ARHGAP32: variants seen among roughly 807,000 people sequenced by gnomAD.
ARHGAP32 encodes rho GTPase-activating protein 32.
ARHGAP32 carries 51 observed loss-of-function variants against 186.5 expected under a neutral mutation model. The ratio of observed to expected loss-of-function variants is 0.27; its 90% confidence interval spans 0.22 to 0.35. The LOEUF (loss-of-function observed/expected upper bound fraction) is 0.35, where lower values mean the gene tolerates loss of function less well. Among genes scored for constraint, ARHGAP32 ranks in the 10% least tolerant of loss-of-function variants. The pLI, the probability that ARHGAP32 is intolerant of heterozygous loss-of-function variation, is 1.00. For missense variants in ARHGAP32, 2,186 were observed against 2,623.5 expected (o/e 0.83, Z 3.64); for synonymous variants, 950 against 964.3 (o/e 0.99, Z 0.27).
chr11:129,023,019 A>T (rs1293874816), intron 11 of ARHGAP32, among the ~76,000 whole-genome samples: 2 of 152,176 alleles, frequency 1.3e-5, no homozygotes, highest in African/African-American at 4.8e-5. Flanking sequence ...TTATGGTTTT[A>T]AAAATTAAAA....
intron 1 of ARHGAP32, among the ~76,000 whole-genome samples, chr11:129,182,415 G>A (rs1355071885): frequency 6.6e-6 from 1 of 151,880 alleles, no homozygotes; most frequent in South Asian, 2.1e-4. Flanking sequence ...ATGAGTTTCA[G>A]GTATTTTTCC....
At chr11:129,234,655 T>G (rs1207007457) in intron 1 of ARHGAP32, among the ~76,000 whole-genome samples, 1 of 152,004 alleles carries the variant, frequency 6.6e-6, no homozygotes, top group Non-Finnish European at 1.5e-5. Flanking sequence ...AAAAAGAAAA[T>G]CATTTACTTA....
chr11:129,155,700 C>CAAA lies in ARHGAP32; in HGVS notation c.225+8616_225+8618dup, dbSNP rs61612151. 4.9e-4 allele frequency among the ~76,000 whole-genome samples: 70 copies of CAAA among 143,314 alleles called. 1 individual carries two copies. The highest frequency in any genetic ancestry group is 1.0e-3 in the African/African-American group (40 of 39,074). 94.0% of individuals were successfully genotyped at this position (143,314 alleles called of 152,430 possible). A position where few individuals can be genotyped will look rare whatever the true frequency, so the allele number is the denominator to read the frequency against. On this transcript the variant is annotated intron_variant, in intron 2 of 22. Transcript: ENST00000682385. ...GATTGCAGCAGTAAAAGAAATGTGT[C>CAAA]AAAAAAAAAAACAAATTGGTTTAAA...
At chr11:129,058,186 T>TACACAC (rs1402137812) in intron 10 of ARHGAP32, among the ~76,000 whole-genome samples, 7 of 96,518 alleles carry the variant, frequency 7.3e-5, no homozygotes, top group African/African-American at 3.3e-4. Context: ...GAAAAAAAAA[T>TACACAC]ATACACACAC....
chr11:129,118,849 G>A (rs1421869010), intron 5 of ARHGAP32, among the ~76,000 whole-genome samples: 1 of 151,940 alleles, frequency 6.6e-6, no homozygotes, highest in African/African-American at 2.4e-5. Flanking sequence ...AAACACAGAT[G>A]CAGAAATTAT....
At chr11:129,133,715 T>C (rs927161215) in intron 2 of ARHGAP32, among the ~76,000 whole-genome samples, 1 of 152,088 alleles carries the variant, frequency 6.6e-6, no homozygotes, top group Non-Finnish European at 1.5e-5. Context: ...AAGAGAAAAC[T>C]AAGAGAATTT....
At chr11:129,062,457 C>CCTG in intron 9 of ARHGAP32, 100 bp from the exon 10 acceptor site, 1 of 917,976 alleles carries the variant, frequency 1.1e-6, no homozygotes, top group Admixed American at 2.3e-5. Context: ...AGGTAAAGTA[C>CCTG]TATTCATGCT....
chr11:129,259,974 C>T (rs1945301349), intron 1 of ARHGAP32, among the ~76,000 whole-genome samples: 1 of 152,078 alleles, frequency 6.6e-6, no homozygotes, highest in Non-Finnish European at 1.5e-5. Flanking sequence ...CAGCTTTTCC[C>T]ATTCTCAAAC....
At chr11:129,030,334 C>T (rs1368238931) in intron 11 of ARHGAP32, 2 of 152,004 alleles carry the variant, frequency 1.3e-5, no homozygotes, top group Non-Finnish European at 2.9e-5. Flanking sequence ...AGAAACAATC[C>T]AGGAGCAAGC....
chr11:129,274,294 T>C (rs1172234957), intron 1 of ARHGAP32, among the ~76,000 whole-genome samples: 1 of 152,222 alleles, frequency 6.6e-6, no homozygotes, highest in African/African-American at 2.4e-5. Flanking sequence ...GTTTGGTTTG[T>C]TTTTTAACCT....
At chr11:129,036,695 T>C (rs1281264670) in intron 11 of ARHGAP32, among the ~76,000 whole-genome samples, 2 of 152,174 alleles carry the variant, frequency 1.3e-5, no homozygotes, top group African/African-American at 4.8e-5. Context: ...TTTTAAACAC[T>C]TGACACACAA....
chr11:129,124,493 A>T (rs1023432661), intron 3 of ARHGAP32, among the ~76,000 whole-genome samples: 3 of 152,166 alleles, frequency 2.0e-5, no homozygotes, highest in Non-Finnish European at 4.4e-5. Context: ...AATAAAGCTG[A>T]TATTTCTGAA....
At chr11:129,206,299 C>A (rs1005887240) in intron 1 of ARHGAP32, among the ~76,000 whole-genome samples, 6 of 152,060 alleles carry the variant, frequency 3.9e-5, no homozygotes, top group African/African-American at 1.5e-4. Flanking sequence ...GCAGCATCAA[C>A]CTCGTGGGCT....
At chr11:129,057,584 A>G (rs1591574675) in intron 10 of ARHGAP32, among the ~76,000 whole-genome samples, 1 of 151,280 alleles carries the variant, frequency 6.6e-6, no homozygotes. Context: ...TGGTTCCAGA[A>G]CCCCCTCATA....
At chr11:129,219,818 A>C (rs1204529100) in intron 1 of ARHGAP32, among the ~76,000 whole-genome samples, 1 of 152,088 alleles carries the variant, frequency 6.6e-6, no homozygotes, top group African/African-American at 2.4e-5. Flanking sequence ...AAACAAAAAT[A>C]ACATCTGGAG....
chr11:129,113,810 G>A (rs1045722722), intron 5 of ARHGAP32, among the ~76,000 whole-genome samples: 4 of 151,924 alleles, frequency 2.6e-5, no homozygotes, highest in Non-Finnish European at 4.4e-5. Context: ...AACTGAATTC[G>A]TCATCTTTCC....
chr11:129,171,981 T>C (rs1943772871), intron 1 of ARHGAP32, among the ~76,000 whole-genome samples: 1 of 152,156 alleles, frequency 6.6e-6, no homozygotes, highest in Non-Finnish European at 1.5e-5. Context: ...TGCCTATTGT[T>C]GACAAAAAGG....
chr11:129,083,253 T>G (rs1466355769), intron 6 of ARHGAP32, among the ~76,000 whole-genome samples: 3 of 152,092 alleles, frequency 2.0e-5, no homozygotes, highest in African/African-American at 7.2e-5. Context: ...CAGAAGAAAG[T>G]AAGTCATTAT....
At chr11:128,993,360 C>T (rs542903219) in intron 12 of ARHGAP32, 14 of 152,102 alleles carry the variant, frequency 9.2e-5, no homozygotes, top group Non-Finnish European at 1.3e-4. Flanking sequence ...AATTTTGATA[C>T]GAGCTTCCTT....
Sources: allele counts gnomAD v4.1 joint callset (sites outside exome capture counted in the v4.1 genomes callset), GRCh38; gene constraint gnomAD v4.1.1; transcripts MANE v1.5; gene names NCBI Gene and HGNC (gene_info 2026-07-23, HGNC 2026-07-21).